Variants in MAN1A2 observed in about 807,000 individuals in gnomAD.
The protein encoded by MAN1A2 is mannosyl-oligosaccharide 1,2-alpha-mannosidase IB.
MAN1A2 carries 26 observed loss-of-function variants against 75.7 expected under a neutral mutation model. That is an observed-to-expected ratio of 0.34 (90% CI 0.25 to 0.48). The LOEUF (loss-of-function observed/expected upper bound fraction) is 0.48, where lower values mean the gene tolerates loss of function less well. Ranked by LOEUF, MAN1A2 falls within the 20% of genes least tolerant of loss-of-function variation. The probability of loss-of-function intolerance (pLI) is 0.99; values close to 1 mark genes in which losing one functional copy is unlikely to be tolerated. For synonymous variants in MAN1A2, 247 were observed against 264.6 expected (o/e 0.93, Z 0.65); for missense variants, 562 against 775.5 (o/e 0.72, Z 3.27).
intron 8 of MAN1A2, among the ~76,000 whole-genome samples, chr1:117,483,771 GTTGAA>G (rs1461393214): frequency 7.9e-5 from 12 of 152,054 alleles, no homozygotes; most frequent in African/African-American, 2.7e-4. Flanking sequence ...CCAACACTAT[GTTGAA>G]TAGGAGTGGT....
intron 8 of MAN1A2, among the ~76,000 whole-genome samples, chr1:117,469,954 T>G (rs1477632604): frequency 6.6e-6 from 1 of 152,140 alleles, no homozygotes; most frequent in Non-Finnish European, 1.5e-5. Context: ...GACCCAGCAC[T>G]TCATCTCCTC....
At chr1:117,476,173 G>A (rs558131697) in intron 8 of MAN1A2, among the ~76,000 whole-genome samples, 3 of 152,076 alleles carry the variant, frequency 2.0e-5, no homozygotes, top group African/African-American at 4.8e-5. Context: ...CTTTTGAGAG[G>A]TGTCTGTTCA....
chr1:117,517,260 T>G (rs140660190), intron 12 of MAN1A2, among the ~76,000 whole-genome samples: 303 of 152,312 alleles, frequency 2.0e-3, no homozygotes, highest in Admixed American at 3.3e-3. Flanking sequence ...AAGTAAAATC[T>G]GTAATGTCTA....
At chr1:117,444,392 T>C (rs573415207) in intron 6 of MAN1A2, among the ~76,000 whole-genome samples, 1 of 151,662 alleles carries the variant, frequency 6.6e-6, no homozygotes. Context: ...AAAAAGCATC[T>C]GCTTTTTTTT....
intron 1 of MAN1A2, among the ~76,000 whole-genome samples, chr1:117,374,258 G>C (rs1146299): frequency 0.79 from 119,954 of 152,102 alleles, 47,805 homozygotes; most frequent in African/African-American, 0.9. Flanking sequence ...GATTGTGTCC[G>C]TGCATTCCAG....
At chr1:117,443,046 A>T (rs78742938) in intron 6 of MAN1A2, among the ~76,000 whole-genome samples, 10,126 of 152,080 alleles carry the variant, frequency 0.067, 501 homozygotes, top group Non-Finnish European at 0.1. Flanking sequence ...TGTTGTGCTC[A>T]TTTTTTCTCC....
chr1:117,445,880 G>GTATATATATATA (rs771435341), intron 6 of MAN1A2, among the ~76,000 whole-genome samples: 6 of 126,006 alleles, frequency 4.8e-5, no homozygotes, highest in Non-Finnish European at 1.0e-4. Flanking sequence ...GTGTCTGTGT[G>GTATATATATATA]TGTGTATATA....
chr1:117,405,902 AT>A (rs35979517), intron 3 of MAN1A2, among the ~76,000 whole-genome samples: 1 of 151,532 alleles, frequency 6.6e-6, no homozygotes, highest in Non-Finnish European at 1.5e-5. Flanking sequence ...TTTTTTTGGC[AT>A]TTTTTTCTTT....
chr1:117,461,998 G>C (rs1256526121), intron 7 of MAN1A2, among the ~76,000 whole-genome samples: 1 of 152,112 alleles, frequency 6.6e-6, no homozygotes, highest in African/African-American at 2.4e-5. Flanking sequence ...GGGACAAACA[G>C]ACTGACAAAC....
intron 6 of MAN1A2, among the ~76,000 whole-genome samples, chr1:117,449,027 G>C (rs11577788): frequency 6.6e-6 from 1 of 151,698 alleles, no homozygotes; most frequent in East Asian, 1.9e-4. Context: ...ATATGTGATC[G>C]GTGATCTTTC....
intron 11 of MAN1A2, among the ~76,000 whole-genome samples, chr1:117,501,052 G>A (rs888846779): frequency 3.0e-4 from 46 of 151,836 alleles, no homozygotes; most frequent in African/African-American, 1.1e-3. Context: ...TTGTCATTGA[G>A]GAATACTTTA....
At chr1:117,474,552 A>G (rs952324358) in intron 8 of MAN1A2, among the ~76,000 whole-genome samples, 2 of 151,128 alleles carry the variant, frequency 1.3e-5, no homozygotes, top group East Asian at 3.9e-4. Flanking sequence ...TAGTATTTAT[A>G]TAGATTTAAA....
chr1:117,518,398 T>G (rs1651779356), intron 12 of MAN1A2, among the ~76,000 whole-genome samples: 1 of 152,076 alleles, frequency 6.6e-6, no homozygotes, highest in Non-Finnish European at 1.5e-5. Flanking sequence ...TAGTATATTT[T>G]AAATGGTGTA....
At position 117,458,511 on chromosome 1, in the gene MAN1A2, A is replaced by ATC. The variant is rs1557959107; in HGVS notation, c.951-1978_951-1977insTC. ...TATATATATATCTATATATATATAT[A>ATC]GATATATATATATTTTTTTTTTTTT... On this transcript the variant is annotated intron_variant, in intron 6 of 12. Transcript: ENST00000356554. 6.0e-4 allele frequency among the ~76,000 whole-genome samples: 54 copies of ATC among 90,042 alleles called. 1 individual carries two copies. The South Asian group carries it at 0.022, about 36-fold the overall frequency. 59.1% of individuals were successfully genotyped at this position (90,042 alleles called of 152,430 possible).
intron 8 of MAN1A2, among the ~76,000 whole-genome samples, chr1:117,488,886 A>C (rs1353975981): frequency 6.6e-6 from 1 of 152,084 alleles, no homozygotes. Flanking sequence ...TAAGTGTCTA[A>C]AGTTAAAATT....
Position 117,442,241 on chromosome 1 carries a change from T to G in MAN1A2, c.866T>G (p.Ile289Ser). ...YYLSGEEIFKIKAVQLAEKLL... is the reference protein window; with the variant it reads ...YYLSGEEIFKSKAVQLAEKLL... ...TGTTTTAAATCTCAGATATTCAAGA[T>G]TAAAGCAGTGCAATTGGCTGAGAAA... Residue 289 changes from isoleucine to serine, a missense_variant, in exon 6 of 13, where the codon ATT (isoleucine) becomes AGT (serine). Physicochemically the swap from Ile to Ser is moderately radical, Grantham distance 142. Around this residue, in one of 2 missense-constraint regions of MAN1A2, gnomAD observed 434 missense variants for 645.7 expected, o/e 0.67. Transcript: ENST00000356554. 6.3e-7 allele frequency: 1 copy of G among 1,597,398 alleles called. No individual in the cohort carries two copies. Among genetic ancestry groups the G allele is most frequent in the Non-Finnish European group, 8.6e-7 (1 of 1,164,870 alleles).
At chr1:117,403,028 G>A (rs1647493421) in intron 2 of MAN1A2, among the ~76,000 whole-genome samples, 1 of 152,118 alleles carries the variant, frequency 6.6e-6, no homozygotes, top group South Asian at 2.1e-4. Context: ...TAAAAGTAAA[G>A]AGAATACCAG....
At chr1:117,404,124 T>G (rs1024718879) in intron 2 of MAN1A2, among the ~76,000 whole-genome samples, 2 of 152,214 alleles carry the variant, frequency 1.3e-5, no homozygotes, top group East Asian at 3.8e-4. Flanking sequence ...AACTCCACTT[T>G]GTCGTGGTAT....
chr1:117,446,165 ATTCT>A (rs1374395822), intron 6 of MAN1A2, among the ~76,000 whole-genome samples: 2 of 150,852 alleles, frequency 1.3e-5, no homozygotes, highest in Admixed American at 6.6e-5. Flanking sequence ...AGTAATTTGT[ATTCT>A]TTCTTTTCTC....
Sources: allele counts gnomAD v4.1 joint callset (sites outside exome capture counted in the v4.1 genomes callset), GRCh38; gene constraint gnomAD v4.1.1; regional missense constraint gnomAD v4.1.1; transcripts MANE v1.5; gene names NCBI Gene and HGNC (gene_info 2026-07-23, HGNC 2026-07-21).